The following ANKRD50 variants were observed in gnomAD, a reference collection of about 807,000 sequenced individuals.
ANKRD50 encodes ankyrin repeat domain-containing protein 50.
A neutral mutation model predicts 112.0 loss-of-function variants in ANKRD50; 40 were observed. The ratio of observed to expected loss-of-function variants is 0.36; its 90% CI spans 0.28 to 0.46. ANKRD50 has a LOEUF of 0.46. ANKRD50 is among the 20% of genes least tolerant of loss of function. The pLI, the probability that ANKRD50 is intolerant of heterozygous loss-of-function variation, is 1.00. For missense variants in ANKRD50, 1,487 were observed against 1,701.7 expected (o/e 0.87, Z 2.22); for synonymous variants, 613 against 619.1 (o/e 0.99, Z 0.15).
At chr4:124,693,819 T>C (rs374817358) in intron 2 of ANKRD50, among the ~76,000 whole-genome samples, 2 of 152,290 alleles carry the variant, frequency 1.3e-5, no homozygotes, top group South Asian at 4.1e-4. Context: ...TTTCAATAAA[T>C]AGTAATGAGA....
Position 124,670,017 on chromosome 4 carries a change from T to C in ANKRD50, c.3260A>G (p.Lys1087Arg). ...FGRTAMRVAA[K>R]NGHSQIIKLL... Reference sequence around the variant, plus strand: ...TTTAATTATCTGAGAATGTCCATTTTTGGCTGCAACACGCATAGCAGTGCG... The same window carrying C: ...TTTAATTATCTGAGAATGTCCATTTCTGGCTGCAACACGCATAGCAGTGCG... The change falls in exon 4 of 5, where the codon AAA becomes AGA. Residue 1087 changes from lysine (K) to arginine (R), a missense_variant. Lys to Arg is a conservative substitution (Grantham distance 26). Around this residue, in one of 2 missense-constraint regions of ANKRD50, gnomAD observed 441 missense variants for 432.2 expected, o/e 1.02. Transcript: ENST00000504087. The C allele has an allele frequency of 6.2e-7, 1 of 1,610,428 alleles. No individual in the cohort carries two copies.
chr4:124,683,361 G>C (rs1441623786), intron 2 of ANKRD50, among the ~76,000 whole-genome samples: 1 of 151,518 alleles, frequency 6.6e-6, no homozygotes, highest in Non-Finnish European at 1.5e-5. Flanking sequence ...GTGATATTTT[G>C]ATACCTACAT....
At chr4:124,704,049 A>G (rs898879256) in intron 2 of ANKRD50, among the ~76,000 whole-genome samples, 1 of 152,198 alleles carries the variant, frequency 6.6e-6, no homozygotes, top group African/African-American at 2.4e-5. Context: ...GATTTGAATA[A>G]ACAGAAGTTT....
At chr4:124,697,994 C>T (rs1337569664) in intron 2 of ANKRD50, among the ~76,000 whole-genome samples, 1 of 152,110 alleles carries the variant, frequency 6.6e-6, no homozygotes, top group Admixed American at 6.5e-5. Flanking sequence ...ATGAAACAAA[C>T]AATAGTAAAT....
Position 124,710,222 on chromosome 4 carries a change from G to A in ANKRD50, c.290C>T (p.Ala97Val). The change falls in exon 2 of 5, where the codon GCA becomes GTA. Residue 97 changes from alanine (A) to valine (V), a missense_variant. Physicochemically the swap from Ala to Val is moderately conservative, Grantham distance 64 (BLOSUM62 0). This residue lies in a region of ANKRD50 where 1,046 missense variants were observed against 1,269.5 expected (regional missense o/e 0.82). Coordinates refer to ENST00000504087, the MANE Select transcript of ANKRD50 (RefSeq NM_020337.3). ...CTELLWPSSP[A>V]SLQRGLHRQA... ...GCGATGTAAACCTCTCTGCAAACTT[G>A]CAGGTGAACTTGGCCATAAGAGTTC... The A allele has an allele frequency of 6.2e-7, 1 of 1,614,206 alleles. No homozygotes were observed. Among genetic ancestry groups the A allele is most frequent in the Non-Finnish European group, 8.5e-7 (1 of 1,180,054 alleles).
At chr4:124,708,864 A>G (rs980113564) in intron 2 of ANKRD50, among the ~76,000 whole-genome samples, 2 of 152,090 alleles carry the variant, frequency 1.3e-5, no homozygotes, top group African/African-American at 2.4e-5. Flanking sequence ...TGAGGATTAA[A>G]TGATCTAATA....
At chr4:124,706,734 T>C (rs1304149767) in intron 2 of ANKRD50, among the ~76,000 whole-genome samples, 1 of 152,040 alleles carries the variant, frequency 6.6e-6, no homozygotes, top group East Asian at 1.9e-4. Flanking sequence ...GTTGAAAATA[T>C]CTTAAGTCAA....
At chr4:124,708,168 GAAGAA>G (rs1031046160) in intron 2 of ANKRD50, among the ~76,000 whole-genome samples, 7 of 152,200 alleles carry the variant, frequency 4.6e-5, no homozygotes, top group South Asian at 2.1e-4. Flanking sequence ...AAAGCAGTAA[GAAGAA>G]AAGAGTTGCT....
At chr4:124,687,963 ACATGTCCTAG>A (rs1388444954) in intron 2 of ANKRD50, among the ~76,000 whole-genome samples, 1 of 152,234 alleles carries the variant, frequency 6.6e-6, no homozygotes, top group Non-Finnish European at 1.5e-5. Flanking sequence ...TACACCTACT[ACATGTCCTAG>A]CAATCCCACT....
rs766765452 is a variant in ANKRD50 at position 124,672,359 on chromosome 4, T to C, written c.918A>G (p.Leu306=). 6 of 1,613,182 alleles carry C rather than the reference T, an allele frequency of 3.7e-6. No homozygotes were observed. In the African/African-American group the frequency reaches 4.0e-5, roughly 11 times the overall value. ...CTACAACTCCATCTAAAACTCGTTC[T>C]AGGTAAAGAAAGCATCCACTGCTTT... ...HIKSSGCFLY[L]ERVLDGVVEN... is the part of the protein sequence containing the mutation. The change falls in exon 4 of 5, where the codon CTA becomes CTG. Residue 306 remains leucine (L), a synonymous_variant. Transcript: ENST00000504087.
rs756526861 is a variant in ANKRD50 at position 124,678,857 on chromosome 4, T to TA, written c.560dup (p.Tyr188IlefsTer5). On this transcript the variant is annotated frameshift_variant, in exon 3 of 5. Coordinates refer to ENST00000504087, the MANE Select transcript of ANKRD50 (RefSeq NM_020337.3). LOFTEE classifies it high-confidence loss of function. ...CATCAACAGAATCAACAAGCAGGTA[T>TA]AGGCTTTGCTGGGGAGGCTTCATTC... is the stretch of plus-strand genomic sequence containing the variant. 1.2e-6 allele frequency: 2 copies of TA among 1,613,818 alleles called. No homozygotes were observed. Among genetic ancestry groups the TA allele is most frequent in the East Asian group, 2.2e-5 (1 of 44,856 alleles).
chr4:124,678,670 G>A lies in ANKRD50; in HGVS notation c.742+6C>T, dbSNP rs1724798405. 1.9e-6 allele frequency: 3 copies of A among 1,607,064 alleles called. No individual in the cohort carries two copies. The highest frequency in any genetic ancestry group is 2.2e-5 in the South Asian group (2 of 90,768). On this transcript the variant is annotated splice_donor_region_variant and intron_variant, in intron 3 of 4. Coordinates refer to ENST00000504087, the MANE Select transcript of ANKRD50 (RefSeq NM_020337.3). ...TTTAAGGATGGCAGTAAGTAATTATGCTTACCAGTAAACATTTTAGTAACA... is the reference window on the plus strand; with the variant it reads ...TTTAAGGATGGCAGTAAGTAATTATACTTACCAGTAAACATTTTAGTAACA...
chr4:124,709,323 T>C (rs1401992816), intron 2 of ANKRD50, among the ~76,000 whole-genome samples: 3 of 152,104 alleles, frequency 2.0e-5, no homozygotes, highest in Non-Finnish European at 2.9e-5. Flanking sequence ...AGCAACTTGC[T>C]CACTTCCTGG....
chr4:124,673,692 A>G (rs1265830408), intron 3 of ANKRD50, among the ~76,000 whole-genome samples: 1 of 152,154 alleles, frequency 6.6e-6, no homozygotes, highest in Admixed American at 6.6e-5. Flanking sequence ...AGACCAGTGA[A>G]GGACAAATAA....
At position 124,670,805 on chromosome 4, in the gene ANKRD50, T is replaced by C. The variant is rs1276803342; in HGVS notation, c.2472A>G (p.Gln824=). 2 of 1,613,928 alleles carry C rather than the reference T, an allele frequency of 1.2e-6. No homozygotes were observed. Among genetic ancestry groups the C allele is most frequent in the Admixed American group, 3.3e-5 (2 of 59,996 alleles). ...GRTVLSIASA[Q]GNVEVVRTLL... is the part of the protein sequence containing the mutation. ...GAGTACGTACCACCTCAACATTTCC[T>C]TGTGCTGAAGCTATACTGAGGACTG... The change falls in exon 4 of 5, where the codon CAA becomes CAG. Residue 824 remains glutamine (Q), a synonymous_variant. Transcript: ENST00000504087.
Position 124,670,587 on chromosome 4 carries a change from T to G in ANKRD50, c.2690A>C (p.Gln897Pro). 3 of 1,613,118 alleles carry G rather than the reference T, an allele frequency of 1.9e-6. No individual in the cohort carries two copies. The highest frequency in any genetic ancestry group is 2.5e-6 in the Non-Finnish European group (3 of 1,179,702). Residue 897 changes from glutamine (Q) to proline (P), a missense_variant, in exon 4 of 5, where the codon CAA (glutamine) becomes CCA (proline). By Grantham distance (76) the Gln-to-Pro change is moderately conservative. This residue lies in a region of ANKRD50 where 1,046 missense variants were observed against 1,269.5 expected (regional missense o/e 0.82). Transcript: ENST00000504087. Reference protein sequence around the residue: ...ASQEGHYDCVQILLENKSNID... With the variant: ...ASQEGHYDCVPILLENKSNID... ...GTTGGATTTGTTTTCCAGTAATATT[T>G]GAACACAATCATAATGACCCTCTTG...
chr4:124,707,332 T>C (rs1725529558), intron 2 of ANKRD50, among the ~76,000 whole-genome samples: 1 of 152,010 alleles, frequency 6.6e-6, no homozygotes, highest in Non-Finnish European at 1.5e-5. Flanking sequence ...AAAGGACTTA[T>C]TTAAGAAATC....
At chr4:124,674,762 T>C (rs1469497495) in intron 3 of ANKRD50, among the ~76,000 whole-genome samples, 2 of 151,804 alleles carry the variant, frequency 1.3e-5, no homozygotes, top group African/African-American at 4.8e-5. Flanking sequence ...AGAGAATTTA[T>C]AATTTAGAGA....
intron 2 of ANKRD50, among the ~76,000 whole-genome samples, chr4:124,700,907 T>A (rs1398867261): frequency 6.6e-6 from 1 of 152,124 alleles, no homozygotes; most frequent in Non-Finnish European, 1.5e-5. Flanking sequence ...TGTCTGTTAA[T>A]CCACTGGCCA....
Sources: gnomAD v4.1 joint callset for allele counts (sites outside exome capture counted in the v4.1 genomes callset) on GRCh38, gnomAD v4.1.1 for gene constraint, gnomAD v4.1.1 regional missense constraint, MANE v1.5 for transcripts, NCBI Gene and HGNC (gene_info 2026-07-23, HGNC 2026-07-21) for gene names.